SLC44A5: variants seen among roughly 807,000 people sequenced by gnomAD.
SLC44A5 encodes the protein solute carrier family 44 member 5, also known as choline transporter-like protein 5.
SLC44A5 carries 57 observed loss-of-function variants against 101.8 expected under a neutral mutation model. That is an observed-to-expected ratio of 0.56 (90% CI 0.45 to 0.70). The LOEUF (loss-of-function observed/expected upper bound fraction) is 0.70. Ranked by LOEUF, SLC44A5 falls within the 30% of genes least tolerant of loss-of-function variation. The probability of loss-of-function intolerance (pLI) is 0.00; values close to 1 mark genes in which losing one functional copy is unlikely to be tolerated. For missense variants in SLC44A5, 737 were observed against 853.1 expected (o/e 0.86, Z 1.70); for synonymous variants, 281 against 290.9 (o/e 0.97, Z 0.35).
chr1:75,722,223 G>A, the SLC44A5 span, among the ~76,000 whole-genome samples: 1 of 152,166 alleles, frequency 6.6e-6, no homozygotes, highest in Admixed American at 6.5e-5. Context: ...TACTCAGGCC[G>A]ATAGTACGAG....
chr1:75,431,857 G>C (rs771640939), intron 2 of SLC44A5, among the ~76,000 whole-genome samples: 1 of 152,096 alleles, frequency 6.6e-6, no homozygotes, highest in Non-Finnish European at 1.5e-5. Context: ...TATAATTTGC[G>C]TATTTCCTAG....
chr1:75,263,989 G>A lies in SLC44A5; in HGVS notation c.260+10969C>T, dbSNP rs148164113. 5.0e-3 allele frequency among the ~76,000 whole-genome samples: 757 copies of A among 152,082 alleles called. 14 individuals are homozygous for A. The highest frequency in any genetic ancestry group is 0.016 in the African/African-American group (662 of 41,454). On this transcript the variant is annotated intron_variant, in intron 6 of 23. Coordinates refer to ENST00000370859, the MANE Select transcript of SLC44A5 (RefSeq NM_001130058.2). The stretch of plus-strand genomic sequence containing the variant: ...ACACTGGGGCCTGTTGGGGGGTTGC[G>A]GCTTAGGGGAGGGATAGCATTAGGA...
intron 3 of SLC44A5, among the ~76,000 whole-genome samples, chr1:75,370,557 C>G (rs1004740651): frequency 3.9e-5 from 6 of 152,144 alleles, no homozygotes; most frequent in Admixed American, 6.6e-5. Context: ...AAGTCAATCT[C>G]AAAGGCTGTA....
At chr1:75,211,435 C>A (rs184468931) in intron 23 of SLC44A5, 33 bp downstream of exon 23, 2 of 1,551,070 alleles carry the variant, frequency 1.3e-6, no homozygotes, top group Middle Eastern at 1.7e-4. Context: ...AGTTATCCAC[C>A]GAAGGGGGAA....
intron 7 of SLC44A5, among the ~76,000 whole-genome samples, chr1:75,249,064 G>T (rs1354400555): frequency 6.6e-6 from 1 of 152,066 alleles, no homozygotes; most frequent in African/African-American, 2.4e-5. Context: ...AGATTACAAA[G>T]GGTAGCAATT....
chr1:75,358,774 T>C (rs1659268272), intron 3 of SLC44A5, among the ~76,000 whole-genome samples: 2 of 152,216 alleles, frequency 1.3e-5, no homozygotes, highest in African/African-American at 4.8e-5. Flanking sequence ...GATGGTTCAA[T>C]ACATGTATAC....
In SLC44A5 at chr1:75,203,560, G is replaced by T. The variant is rs549323603; in HGVS notation, c.*167C>A. On this transcript the variant is annotated 3_prime_UTR_variant, in exon 24 of 24. Transcript: ENST00000370859. ...AACAATTCCCTTGCGACTTCTGATG[G>T]CTTCACATAGTACAGTATAAGCTTT... The T allele has an allele frequency of 1.7e-3, 962 of 567,556 alleles. 2 individuals are homozygous for T. Among genetic ancestry groups the T allele is most frequent in the Non-Finnish European group, 2.2e-3 (811 of 366,844 alleles). The allele number at this position is 567,556 out of a possible 1,614,324, so 35.2% of individuals were successfully genotyped here.
chr1:75,208,161 T>TTTTG (rs1646784713), intron 23 of SLC44A5, among the ~76,000 whole-genome samples: 1 of 152,146 alleles, frequency 6.6e-6, no homozygotes, highest in African/African-American at 2.4e-5. Context: ...ATCTTCGGTT[T>TTTTG]TTTGTTTGTT....
chr1:75,281,702 G>A (rs927391065), intron 5 of SLC44A5, among the ~76,000 whole-genome samples: 1 of 134,940 alleles, frequency 7.4e-6, no homozygotes, highest in Non-Finnish European at 1.5e-5. Flanking sequence ...CACTCTAGCT[G>A]TGGCTGAAAG....
At chr1:75,490,275 A>C (rs1309217133) in intron 2 of SLC44A5, among the ~76,000 whole-genome samples, 1 of 152,158 alleles carries the variant, frequency 6.6e-6, no homozygotes, top group Non-Finnish European at 1.5e-5. Context: ...GACATAAATA[A>C]ACAGAATGCT....
At chr1:75,571,149 A>G (rs1461570576) in intron 1 of SLC44A5, among the ~76,000 whole-genome samples, 1 of 152,206 alleles carries the variant, frequency 6.6e-6, no homozygotes, top group Non-Finnish European at 1.5e-5. Flanking sequence ...ATTCTCAGAG[A>G]CATTCCCAAA....
At chr1:75,691,928 G>T in the SLC44A5 span, among the ~76,000 whole-genome samples, 3 of 152,148 alleles carry the variant, frequency 2.0e-5, no homozygotes, top group East Asian at 5.8e-4. Flanking sequence ...CACAATGGAG[G>T]TTAGGGTTTC....
intron 2 of SLC44A5, among the ~76,000 whole-genome samples, chr1:75,529,477 C>T (rs1670602953): frequency 6.6e-6 from 1 of 152,174 alleles, no homozygotes; most frequent in Non-Finnish European, 1.5e-5. Flanking sequence ...CTTCCAGGTT[C>T]TACTCTACAG....
At position 75,237,121 on chromosome 1, in the gene SLC44A5, A is replaced by C. The variant is rs781125756; in HGVS notation, c.657-51T>G. The C allele has an allele frequency of 6.4e-6, 7 of 1,098,574 alleles. No individual in the cohort carries two copies. The African/African-American group carries it at 1.1e-4, about 17-fold the overall frequency. The allele number at this position is 1,098,574 out of a possible 1,614,324, so 68.1% of individuals were successfully genotyped here. ...AATTATTTTTTGATGACCACTAAAC[A>C]GAAATGTTCTTTTTATGATAAAAGG... On this transcript the variant is annotated intron_variant, in intron 10 of 23. Transcript: ENST00000370859.
intron 9 of SLC44A5, 48 bp from the exon 10 acceptor site, chr1:75,238,684 T>C: frequency 7.9e-7 from 1 of 1,262,454 alleles, no homozygotes; most frequent in Non-Finnish European, 1.1e-6. Context: ...TATTTCTTCT[T>C]TAATGATGTC....
intron 2 of SLC44A5, among the ~76,000 whole-genome samples, chr1:75,425,282 T>C (rs1268355258): frequency 6.6e-6 from 1 of 152,234 alleles, no homozygotes; most frequent in East Asian, 1.9e-4. Flanking sequence ...AGGCACATGT[T>C]AGGAACTTAA....
At chr1:75,434,591 G>A (rs1664783473) in intron 2 of SLC44A5, among the ~76,000 whole-genome samples, 1 of 152,008 alleles carries the variant, frequency 6.6e-6, no homozygotes. Context: ...AATGACTCTT[G>A]CTGCAGAATA....
chr1:75,275,902 C>T lies in SLC44A5; in HGVS notation c.176-860G>A, dbSNP rs546162996. The stretch of plus-strand genomic sequence containing the variant: ...CTTGCCTCTGAATATGGAAACATAT[C>T]TCTTTGTCCTTTGCTTCCTTTAACA... On this transcript the variant is annotated intron_variant, in intron 5 of 23. Transcript: ENST00000370859. 6.1e-4 allele frequency among the ~76,000 whole-genome samples: 93 copies of T among 152,208 alleles called. 1 individual carries two copies. Among genetic ancestry groups the T allele is most frequent in the Non-Finnish European group, 9.9e-4 (67 of 68,006 alleles).
At chr1:75,594,683 T>A (rs1674537901) in intron 1 of SLC44A5, among the ~76,000 whole-genome samples, 2 of 151,918 alleles carry the variant, frequency 1.3e-5, no homozygotes, top group South Asian at 2.1e-4. Context: ...TTTCTCTGCC[T>A]TTTGAAAATT....
Sources: gnomAD v4.1 joint callset for allele counts (sites outside exome capture counted in the v4.1 genomes callset) on GRCh38, gnomAD v4.1.1 for gene constraint, MANE v1.5 for transcripts, NCBI Gene and HGNC (gene_info 2026-07-23, HGNC 2026-07-21) for gene names.